Variants in GDAP1 observed in about 807,000 individuals in gnomAD.
GDAP1 encodes the protein ganglioside-induced differentiation-associated protein 1.
GDAP1 carries 34 observed loss-of-function variants against 40.1 expected under a neutral mutation model. The observed-to-expected ratio is 0.85, with a 90% CI of 0.64 to 1.13. GDAP1 has a LOEUF of 1.13. Among genes scored for constraint, GDAP1 ranks in the 50% most tolerant of loss-of-function variants. The pLI, the probability that GDAP1 is intolerant of heterozygous loss-of-function variation, is 0.00. For missense variants in GDAP1, 374 were observed against 433.7 expected (o/e 0.86, Z 1.22); for synonymous variants, 170 against 157.4 (o/e 1.08, Z -0.60).
chr8:74,371,673 GAA>G (rs1809753795), downstream of GDAP1, among the ~76,000 whole-genome samples: 1 of 151,322 alleles, frequency 6.6e-6, no homozygotes, highest in South Asian at 2.1e-4. Context: ...AAAAAAAAAA[GAA>G]AATATTTTGA....
At chr8:74,377,693 T>A (rs1177946555) in intron 2 of GDAP1, among the ~76,000 whole-genome samples, 1 of 152,216 alleles carries the variant, frequency 6.6e-6, no homozygotes, top group Non-Finnish European at 1.5e-5. Flanking sequence ...AATTCACATC[T>A]GCTTTGGAAA....
At chr8:74,409,216 G>C (rs1370841254) in intron 2 of GDAP1, among the ~76,000 whole-genome samples, 3 of 150,038 alleles carry the variant, frequency 2.0e-5, no homozygotes, top group African/African-American at 7.6e-5. Flanking sequence ...ATGATTAGAT[G>C]TACCTAATAT....
Position 74,386,185 on chromosome 8 carries a change from T to G in GDAP1, c.165+34864T>G, listed in dbSNP as rs554300610. ...GTTTCTTTTGCTGTGCAGAAGCTCT[T>G]TAGTTTAATTAGATCCCATTTGTCA... On this transcript the variant is annotated intron_variant, in intron 2 of 2. Transcript: ENST00000523640. 1.2e-4 allele frequency among the ~76,000 whole-genome samples: 19 copies of G among 152,350 alleles called. No individual in the cohort carries two copies. The South Asian group carries it at 3.7e-3, about 30-fold the overall frequency.
At chr8:74,404,270 G>T (rs1433117819) in intron 2 of GDAP1, among the ~76,000 whole-genome samples, 1 of 149,180 alleles carries the variant, frequency 6.7e-6, no homozygotes, top group African/African-American at 2.6e-5. Flanking sequence ...AAAAGTAATT[G>T]CAGTTTTGAC....
At chr8:74,422,511 C>CCTTCCTTCCTTCCTTA (rs1805890947) in intron 2 of GDAP1, among the ~76,000 whole-genome samples, 1 of 139,152 alleles carries the variant, frequency 7.2e-6, no homozygotes, top group Non-Finnish European at 1.6e-5. Context: ...TTCCTTCCTT[C>CCTTCCTTCCTTCCTTA]CTTCCTTCCT....
At chr8:74,411,360 T>C (rs62524090) in intron 2 of GDAP1, among the ~76,000 whole-genome samples, 40,010 of 149,464 alleles carry the variant, frequency 0.27, 6,636 homozygotes, top group Non-Finnish European at 0.35. Context: ...CAATTTTGAC[T>C]CTTGATTCTG....
intron 5 of GDAP1, among the ~76,000 whole-genome samples, chr8:74,363,404 C>T (rs1018634706): frequency 1.3e-5 from 2 of 152,188 alleles, no homozygotes; most frequent in African/African-American, 4.8e-5. Context: ...AGCCTCCAAT[C>T]TAAAGTGTAA....
At chr8:74,425,200 T>C (rs968618629) in intron 2 of GDAP1, among the ~76,000 whole-genome samples, 1 of 152,226 alleles carries the variant, frequency 6.6e-6, no homozygotes, top group Non-Finnish European at 1.5e-5. Flanking sequence ...CATTGCTTGA[T>C]CTATACCCTT....
intron 2 of GDAP1, among the ~76,000 whole-genome samples, chr8:74,424,550 G>A (rs1445625711): frequency 2.6e-5 from 4 of 152,118 alleles, no homozygotes; most frequent in Admixed American, 2.6e-4. Flanking sequence ...TCTTCACTAT[G>A]GTGATTATTC....
intron 2 of GDAP1, among the ~76,000 whole-genome samples, chr8:74,384,146 T>G (rs1379967327): frequency 6.6e-6 from 1 of 152,214 alleles, no homozygotes. Flanking sequence ...AAAAACAATT[T>G]GTTGAATTTA....
intron 2 of GDAP1, among the ~76,000 whole-genome samples, chr8:74,481,863 TG>T (rs2128721658): frequency 6.6e-6 from 1 of 152,234 alleles, no homozygotes; most frequent in East Asian, 1.9e-4. Flanking sequence ...TTATGGTTGA[TG>T]ATGGAAATGG....
At chr8:74,367,998 G>A (rs893994166), downstream of GDAP1, among the ~76,000 whole-genome samples, 7 of 152,102 alleles carry the variant, frequency 4.6e-5, no homozygotes, top group Non-Finnish European at 8.8e-5. Context: ...ATTCAAGTAG[G>A]GTGGTGTATC....
chr8:74,402,222 C>A (rs534778826), intron 2 of GDAP1, among the ~76,000 whole-genome samples: 1 of 150,462 alleles, frequency 6.6e-6, no homozygotes, highest in Non-Finnish European at 1.5e-5. Context: ...TGGAGCTTCC[C>A]GGCTGCTTTG....
chr8:74,463,469 A>G (rs972526914), intron 2 of GDAP1, among the ~76,000 whole-genome samples: 3 of 151,810 alleles, frequency 2.0e-5, no homozygotes. Context: ...TCAAAAAAAA[A>G]AACAAAAATA....
intron 2 of GDAP1, among the ~76,000 whole-genome samples, chr8:74,383,458 C>G (rs968397347): frequency 2.0e-5 from 3 of 152,176 alleles, no homozygotes; most frequent in East Asian, 3.8e-4. Context: ...AGAGAAGGAC[C>G]TGGCTGCATT....
At chr8:74,478,541 G>A (rs1806665534) in intron 2 of GDAP1, among the ~76,000 whole-genome samples, 1 of 152,106 alleles carries the variant, frequency 6.6e-6, no homozygotes, top group Non-Finnish European at 1.5e-5. Flanking sequence ...GGCCCCAGGA[G>A]ATGCCAGCAG....
intron 5 of GDAP1, among the ~76,000 whole-genome samples, chr8:74,363,538 A>G (rs1809474338): frequency 6.6e-6 from 1 of 152,214 alleles, no homozygotes; most frequent in Admixed American, 6.5e-5. Context: ...GTTGAAGACT[A>G]TGTTACCTGT....
downstream of GDAP1, among the ~76,000 whole-genome samples, chr8:74,369,700 A>T (rs928643900): frequency 1.3e-5 from 2 of 151,966 alleles, no homozygotes; most frequent in Admixed American, 6.6e-5. Context: ...ACATTTACTT[A>T]CTCGTCCAAG....
chr8:74,370,672 A>G (rs1442312965), downstream of GDAP1, among the ~76,000 whole-genome samples: 1 of 152,244 alleles, frequency 6.6e-6, no homozygotes, highest in Non-Finnish European at 1.5e-5. Context: ...TGTAAATAGC[A>G]TTGAATGTAA....
Sources: allele counts gnomAD v4.1 joint callset (sites outside exome capture counted in the v4.1 genomes callset), GRCh38; gene constraint gnomAD v4.1.1; transcripts MANE v1.5; gene names NCBI Gene and HGNC (gene_info 2026-07-23, HGNC 2026-07-21).